The following MTM1 variants were observed in gnomAD, a reference collection of about 807,000 sequenced individuals.
MTM1 encodes myotubularin.
MTM1 carries 9 observed loss-of-function variants against 52.1 expected under a neutral mutation model. The observed-to-expected ratio is 0.17, with a 90% CI of 0.10 to 0.30. The LOEUF (loss-of-function observed/expected upper bound fraction) is 0.30. MTM1 is among the 10% of genes least tolerant of loss of function. The pLI is 1.00. For missense variants in MTM1, 277 were observed against 470.7 expected, an observed-to-expected ratio of 0.59 and a Z score of 3.81; for synonymous variants, 136 against 163.8, an observed-to-expected ratio of 0.83 and a Z score of 1.29.
Position 150,672,360 on chromosome X carries a change from G to A in MTM1, c.*765G>A, listed in dbSNP as rs1474779367. 1.8e-5 allele frequency: 2 copies of A among 111,818 alleles called. No homozygotes were observed. The highest frequency in any genetic ancestry group is 3.8e-5 in the Non-Finnish European group (2 of 53,238). 9.2% of individuals were successfully genotyped at this position (111,818 alleles called of 1,213,427 possible). A position where few individuals can be genotyped will look rare whatever the true frequency, so the allele number is the denominator to read the frequency against. On this transcript the variant is annotated 3_prime_UTR_variant, in exon 15 of 15. Coordinates refer to ENST00000370396, the MANE Select transcript of MTM1 (RefSeq NM_000252.3). ...TTTTCGGGTTGTGGCAAACCCCAAA[G>A]AGAGCACTGTCCAAGGATGTCGGGA...
chrX:150,617,351 A>G (rs2039402869), intron 5 of MTM1, among the ~76,000 whole-genome samples: 1 of 112,195 alleles, frequency 8.9e-6, no homozygotes, highest in South Asian at 3.7e-4. Context: ...TCAGCTCTCC[A>G]GTATTGCACT....
intron 8 of MTM1, among the ~76,000 whole-genome samples, chrX:150,643,231 A>G (rs2039877354): frequency 8.9e-6 from 1 of 111,858 alleles, no homozygotes; most frequent in Non-Finnish European, 1.9e-5. Flanking sequence ...TACAAAAGGA[A>G]GTGACATGAA....
At position 150,657,824 on chromosome X, in the gene MTM1, G is replaced by A. The variant is rs782558893; in HGVS notation, c.1057G>A (p.Val353Ile). 24 of 1,208,980 alleles carry A rather than the reference G, an allele frequency of 2.0e-5. No homozygotes were observed. Among genetic ancestry groups the A allele is most frequent in the Non-Finnish European group, 2.5e-5 (22 of 894,682 alleles). ...STHWLEHIKLVLTGAIQVADK... is the reference protein window; with the variant it reads ...STHWLEHIKLILTGAIQVADK... The stretch of plus-strand genomic sequence containing the variant: ...CTCACGTATTTTTCTTTGTCAGCTC[G>A]TTTTGACAGGAGCCATTCAAGTAGC... The change falls in exon 11 of 15, where the codon GTT becomes ATT. Residue 353 changes from valine (V) to isoleucine (I), a missense_variant. Around this residue, in one of 4 missense-constraint regions of MTM1, gnomAD observed 164 missense variants for 283.3 expected, o/e 0.58. Coordinates refer to ENST00000370396, the MANE Select transcript of MTM1 (RefSeq NM_000252.3).
intron 4 of MTM1, among the ~76,000 whole-genome samples, chrX:150,612,534 CA>C (rs1193215860): frequency 9.3e-6 from 1 of 107,918 alleles, no homozygotes; most frequent in Non-Finnish European, 1.9e-5. Context: ...ACCATCTCTA[CA>C]AAAAATACAA....
intron 1 of MTM1, among the ~76,000 whole-genome samples, chrX:150,583,458 AATTATAAATATATATAAAT>A: frequency 3.3e-5 from 1 of 30,690 alleles, no homozygotes; most frequent in Non-Finnish European, 5.0e-5. Flanking sequence ...TATTATATAT[AATTATAAATATATATAAAT>A]TATATATATT....
chrX:150,663,500 C>T lies in MTM1; in HGVS notation c.1535C>T (p.Pro512Leu). Reference sequence around the variant, plus strand: ...AGTAATAAAGAAAAATTCAAAAACCCCTTCTATACTAAAGAAATCAATCGA... The same window carrying T: ...AGTAATAAAGAAAAATTCAAAAACCTCTTCTATACTAAAGAAATCAATCGA... ...INSNKEKFKN[P>L]FYTKEINRVL... Residue 512 changes from proline to leucine, a missense_variant, in exon 14 of 15, where the codon CCC becomes CTC. Physicochemically the swap from Pro to Leu is moderately conservative, Grantham distance 98. This residue lies in a region of MTM1 where 59 missense variants were observed against 107.8 expected (regional missense o/e 0.55). Transcript: ENST00000370396. 1 of 1,210,444 alleles carries T rather than the reference C, an allele frequency of 8.3e-7. No homozygotes were observed. Among genetic ancestry groups the T allele is most frequent in the Admixed American group, 2.2e-5 (1 of 45,988 alleles).
intron 10 of MTM1, among the ~76,000 whole-genome samples, chrX:150,655,267 G>C (rs782524402): frequency 9.4e-6 from 1 of 106,209 alleles, no homozygotes; most frequent in South Asian, 4.4e-4. Flanking sequence ...GGAGCTTGTA[G>C]TGAGCTGAGA....
chrX:150,636,188 A>C lies in MTM1; in HGVS notation c.445-2755A>C, dbSNP rs2039750508. ...GTATCATCATAGAAGTGATCTCATCAGAGAGTCCATCTGATGTGTGGTTAC... is the reference window on the plus strand; with the variant it reads ...GTATCATCATAGAAGTGATCTCATCCGAGAGTCCATCTGATGTGTGGTTAC... On this transcript the variant is annotated intron_variant, in intron 6 of 14. Coordinates refer to ENST00000370396, the MANE Select transcript of MTM1 (RefSeq NM_000252.3). Among the ~76,000 whole-genome samples the C allele has an allele frequency of 3.6e-5, 4 of 111,675 alleles. No individual in the cohort carries two copies. The South Asian group carries it at 1.5e-3, about 42-fold the overall frequency.
chrX:150,614,707 A>C lies in MTM1; in HGVS notation c.342+8A>C. 2.1e-6 allele frequency: 2 copies of C among 963,198 alleles called. No individual in the cohort carries two copies. Among genetic ancestry groups the C allele is most frequent in the Non-Finnish European group, 3.0e-6 (2 of 671,306 alleles). The allele number at this position is 963,198 out of a possible 1,213,427, so 79.4% of individuals were successfully genotyped here. A position where few individuals can be genotyped will look rare whatever the true frequency, so the allele number is the denominator to read the frequency against. On this transcript the variant is annotated splice_region_variant and intron_variant, in intron 5 of 14. Coordinates refer to ENST00000370396, the MANE Select transcript of MTM1 (RefSeq NM_000252.3). ...CTAGATATTACTTGTAAAGTAAGAG[A>C]TTCGATACTTTCTTATGCAAAGAAC...
At chrX:150,659,877 G>A in intron 12 of MTM1, 121 bp downstream of exon 12, 1 of 583,024 alleles carries the variant, frequency 1.7e-6, no homozygotes, top group Non-Finnish European at 2.9e-6. Context: ...AGCAAGACTG[G>A]GCATGTGTGA....
chrX:150,627,065 G>A (rs916759023), intron 6 of MTM1, among the ~76,000 whole-genome samples: 1 of 111,187 alleles, frequency 9.0e-6, no homozygotes, highest in Non-Finnish European at 1.9e-5. Flanking sequence ...CTGGTCTCCT[G>A]TAGCATTGTT....
intron 4 of MTM1, among the ~76,000 whole-genome samples, chrX:150,604,916 C>A (rs1298934042): frequency 9.0e-6 from 1 of 110,903 alleles, no homozygotes; most frequent in Non-Finnish European, 1.9e-5. Context: ...TGTGTATACA[C>A]CCCGTGCTTT....
chrX:150,566,604 A>G (rs147557597), upstream of MTM1, among the ~76,000 whole-genome samples: 273 of 110,709 alleles, frequency 2.5e-3, 4 homozygotes, highest in African/African-American at 8.4e-3. Flanking sequence ...GCATCTTTCT[A>G]GAGGTGGGGC....
At chrX:150,654,729 G>A (rs1264913739) in intron 10 of MTM1, among the ~76,000 whole-genome samples, 2 of 111,753 alleles carry the variant, frequency 1.8e-5, no homozygotes, top group African/African-American at 6.5e-5. Flanking sequence ...ATGGTATCCA[G>A]TAGGTAATTT....
At chrX:150,652,658 T>TACACACACACAC (rs377592464) in intron 10 of MTM1, among the ~76,000 whole-genome samples, 1 of 82,464 alleles carries the variant, frequency 1.2e-5, no homozygotes, top group African/African-American at 4.2e-5. Flanking sequence ...TATATATATA[T>TACACACACACAC]ACACACACAC....
intron 1 of MTM1, among the ~76,000 whole-genome samples, 157 bp from the exon 2 acceptor site, chrX:150,592,448 C>T (rs1557412506): frequency 9.0e-6 from 1 of 110,896 alleles, no homozygotes; most frequent in Admixed American, 9.6e-5. Flanking sequence ...TCTGGTTCAT[C>T]GTTTGTATGT....
intron 8 of MTM1, among the ~76,000 whole-genome samples, chrX:150,645,223 G>A (rs782393269): frequency 2.7e-5 from 3 of 111,525 alleles, no homozygotes; most frequent in African/African-American, 9.8e-5. Flanking sequence ...CTTCCTTCCT[G>A]TGTTAGATTC....
At chrX:150,604,636 T>C (rs141305866) in intron 4 of MTM1, among the ~76,000 whole-genome samples, 2 of 111,282 alleles carry the variant, frequency 1.8e-5, no homozygotes, top group East Asian at 5.7e-4. Flanking sequence ...TTCATCACAT[T>C]TGCCTCATCC....
At chrX:150,562,992 G>T in the MTM1 span, among the ~76,000 whole-genome samples, 1 of 111,347 alleles carries the variant, frequency 9.0e-6, no homozygotes, top group African/African-American at 3.3e-5. Flanking sequence ...CTCTGTCTGG[G>T]ATGTAGATCC....
Sources: allele counts gnomAD v4.1 joint callset (sites outside exome capture counted in the v4.1 genomes callset), GRCh38; gene constraint gnomAD v4.1.1; regional missense constraint gnomAD v4.1.1; transcripts MANE v1.5; gene names NCBI Gene and HGNC (gene_info 2026-07-23, HGNC 2026-07-21).